Variants in RNF150 observed in about 807,000 individuals in gnomAD.
RNF150 encodes ring finger protein 150.
RNF150 carries 24 observed loss-of-function variants against 39.3 expected under a neutral mutation model. The observed-to-expected ratio is 0.61, with a 90% CI of 0.44 to 0.86. The LOEUF is 0.86. Ranked by LOEUF, RNF150 falls within the 40% of genes least tolerant of loss-of-function variation. The pLI is 0.00. For synonymous variants in RNF150, 255 were observed against 227.3 expected (o/e 1.12, Z -1.10); for missense variants, 502 against 587.8 (o/e 0.85, Z 1.51).
chr4:141,004,741 A>G (rs1002745403), intron 1 of RNF150, among the ~76,000 whole-genome samples: 2 of 152,164 alleles, frequency 1.3e-5, no homozygotes, highest in African/African-American at 2.4e-5. Context: ...AGACATATGG[A>G]CTTCAAGGTT....
chr4:140,966,982 G>A (rs897775807), intron 2 of RNF150, among the ~76,000 whole-genome samples: 2 of 152,140 alleles, frequency 1.3e-5, no homozygotes, highest in Non-Finnish European at 2.9e-5. Context: ...GAAGTGAGAC[G>A]GAAGCTTGGC....
intron 6 of RNF150, among the ~76,000 whole-genome samples, chr4:140,877,615 T>C (rs1225048520): frequency 6.6e-6 from 1 of 152,160 alleles, no homozygotes; most frequent in Admixed American, 6.5e-5. Context: ...TGATGAGCAG[T>C]GTGGAGAAAA....
At chr4:140,903,441 G>C (rs1415322882) in intron 6 of RNF150, among the ~76,000 whole-genome samples, 1 of 152,056 alleles carries the variant, frequency 6.6e-6, no homozygotes. Flanking sequence ...CCCATGATTT[G>C]CTTTAGAATC....
At chr4:140,975,808 G>A (rs142353186) in intron 1 of RNF150, among the ~76,000 whole-genome samples, 227 of 152,228 alleles carry the variant, frequency 1.5e-3, no homozygotes, top group Non-Finnish European at 2.7e-3. Flanking sequence ...ATGAGGGCAG[G>A]CTCTCTGCAG....
At chr4:141,049,996 A>C (rs1736717178) in intron 1 of RNF150, among the ~76,000 whole-genome samples, 1 of 152,104 alleles carries the variant, frequency 6.6e-6, no homozygotes, top group African/African-American at 2.4e-5. Flanking sequence ...AAATTAATTT[A>C]AAATTTATAG....
intron 1 of RNF150, among the ~76,000 whole-genome samples, chr4:141,156,730 C>T (rs1727407530): frequency 1.6e-5 from 1 of 63,744 alleles, no homozygotes; most frequent in South Asian, 9.1e-4. Context: ...CCTGTCTCTA[C>T]TACTAAAAAA....
chr4:141,170,079 A>G (rs1290696913), intron 1 of RNF150, among the ~76,000 whole-genome samples: 2 of 152,230 alleles, frequency 1.3e-5, no homozygotes, highest in African/African-American at 2.4e-5. Context: ...CTGCTCGTAT[A>G]ATTAAGATAA....
At chr4:141,001,034 T>A (rs376077569) in intron 1 of RNF150, among the ~76,000 whole-genome samples, 71 of 152,348 alleles carry the variant, frequency 4.7e-4, no homozygotes, top group African/African-American at 1.7e-3. Context: ...ATTTTACTTA[T>A]AATCAAATAA....
At chr4:140,889,752 C>A (rs55726722) in intron 6 of RNF150, among the ~76,000 whole-genome samples, 1 of 151,846 alleles carries the variant, frequency 6.6e-6, no homozygotes, top group East Asian at 1.9e-4. Flanking sequence ...ATTAATAGTC[C>A]CTGGTCATTC....
rs375265085 is a variant in RNF150 at position 141,093,093 on chromosome 4, G to A, written c.484+39232C>T. Reference sequence around the variant, plus strand: ...TAAAAAAGGGAACTGGTGGCTGGGCGCGGCGGCTCATGCCTGTAATCCCAG... The same window carrying A: ...TAAAAAAGGGAACTGGTGGCTGGGCACGGCGGCTCATGCCTGTAATCCCAG... On this transcript the variant is annotated intron_variant, in intron 1 of 6. Transcript: ENST00000515673. Among the ~76,000 whole-genome samples, 7 of 152,122 alleles carry A rather than the reference G, an allele frequency of 4.6e-5. No individual in the cohort carries two copies. The East Asian group carries it at 7.7e-4, about 17-fold the overall frequency.
chr4:141,183,489 G>A (rs1393124904), intron 1 of RNF150, among the ~76,000 whole-genome samples: 1 of 152,024 alleles, frequency 6.6e-6, no homozygotes, highest in Non-Finnish European at 1.5e-5. Context: ...TCCCTAATCA[G>A]TTGATTTTTA....
At chr4:141,019,703 T>C (rs995064443) in intron 1 of RNF150, among the ~76,000 whole-genome samples, 3 of 152,182 alleles carry the variant, frequency 2.0e-5, no homozygotes, top group African/African-American at 7.2e-5. Flanking sequence ...AAATATCTCT[T>C]TTATGTGCCT....
intron 4 of RNF150, among the ~76,000 whole-genome samples, chr4:140,946,682 T>A (rs1732326035): frequency 6.6e-6 from 1 of 152,210 alleles, no homozygotes; most frequent in African/African-American, 2.4e-5. Flanking sequence ...TTTTAATTTT[T>A]TTTTGTAGAG....
intron 1 of RNF150, among the ~76,000 whole-genome samples, chr4:141,014,703 A>C (rs1735201041): frequency 6.6e-6 from 1 of 152,084 alleles, no homozygotes; most frequent in Non-Finnish European, 1.5e-5. Context: ...CTTGCTATTG[A>C]GTTGTTTGAA....
chr4:141,163,918 C>T (rs771704988), intron 1 of RNF150, among the ~76,000 whole-genome samples: 14 of 152,014 alleles, frequency 9.2e-5, no homozygotes, highest in South Asian at 4.1e-4. Flanking sequence ...CACAACTCCT[C>T]GACAGCAAGG....
At chr4:140,891,734 G>T (rs1729760567) in intron 6 of RNF150, among the ~76,000 whole-genome samples, 2 of 152,266 alleles carry the variant, frequency 1.3e-5, no homozygotes, top group African/African-American at 2.4e-5. Context: ...GCCACCGACT[G>T]GTACCAGTCC....
At chr4:141,084,525 A>G (rs1738277084) in intron 1 of RNF150, among the ~76,000 whole-genome samples, 1 of 152,208 alleles carries the variant, frequency 6.6e-6, no homozygotes, top group Admixed American at 6.5e-5. Context: ...GACCTTCAAA[A>G]TAACGAAAAA....
At chr4:141,035,373 T>C (rs982254259) in intron 1 of RNF150, among the ~76,000 whole-genome samples, 2 of 152,126 alleles carry the variant, frequency 1.3e-5, no homozygotes, top group Non-Finnish European at 2.9e-5. Flanking sequence ...GCCTTCAACA[T>C]CAGGCATGCA....
chr4:141,008,410 T>C (rs1734948683), intron 1 of RNF150, among the ~76,000 whole-genome samples: 1 of 152,192 alleles, frequency 6.6e-6, no homozygotes. Flanking sequence ...TGAATGAACA[T>C]TTTCAATTTA....
Sources: gnomAD v4.1 joint callset for allele counts (sites outside exome capture counted in the v4.1 genomes callset) on GRCh38, gnomAD v4.1.1 for gene constraint, MANE v1.5 for transcripts, NCBI Gene and HGNC (gene_info 2026-07-23, HGNC 2026-07-21) for gene names.